Variants in CTDSPL2 observed in about 807,000 individuals in gnomAD.
CTDSPL2 encodes the protein CTD small phosphatase-like protein 2.
A neutral mutation model predicts 60.0 loss-of-function variants in CTDSPL2; 5 were observed. The observed-to-expected ratio is 0.08, with a 90% CI of 0.04 to 0.18. The LOEUF is 0.18. Among genes scored for constraint, CTDSPL2 ranks in the 10% least tolerant of loss-of-function variants. CTDSPL2 has a pLI of 1.00. For synonymous variants in CTDSPL2, 186 were observed against 189.3 expected (o/e 0.98, Z 0.14); for missense variants, 370 against 548.8 (o/e 0.67, Z 3.26).
intron 4 of CTDSPL2, among the ~76,000 whole-genome samples, chr15:44,490,479 C>A (rs2081195453): frequency 6.6e-6 from 1 of 152,108 alleles, no homozygotes; most frequent in African/African-American, 2.4e-5. Flanking sequence ...ATTTTTATAT[C>A]TTTTAATTAA....
At chr15:44,435,764 G>A (rs186438333) in intron 1 of CTDSPL2, among the ~76,000 whole-genome samples, 1,634 of 151,832 alleles carry the variant, frequency 0.011, 33 homozygotes, top group African/African-American at 0.038. Context: ...GCACCACCAC[G>A]CCTGGCTAAT....
At chr15:44,497,827 T>G (rs1020649378) in intron 7 of CTDSPL2, among the ~76,000 whole-genome samples, 2 of 152,014 alleles carry the variant, frequency 1.3e-5, no homozygotes, top group African/African-American at 4.8e-5. Flanking sequence ...CAAAACCCAT[T>G]CTCTACTAGA....
chr15:44,478,488 C>CA, intron 2 of CTDSPL2, among the ~76,000 whole-genome samples: 1 of 130,398 alleles, frequency 7.7e-6, no homozygotes, highest in East Asian at 2.4e-4. Flanking sequence ...AAAAAAGACT[C>CA]ATGAGAAGCA....
At chr15:44,522,171 C>G (rs1055522181) in intron 12 of CTDSPL2, among the ~76,000 whole-genome samples, 1 of 151,866 alleles carries the variant, frequency 6.6e-6, no homozygotes, top group Non-Finnish European at 1.5e-5. Flanking sequence ...GTAGCTAGGA[C>G]TATAGGCATG....
intron 2 of CTDSPL2, among the ~76,000 whole-genome samples, chr15:44,473,712 C>T (rs1455711173): frequency 1.3e-5 from 2 of 152,312 alleles, no homozygotes; most frequent in East Asian, 3.9e-4. Flanking sequence ...TGTTCATTTT[C>T]ATTAAGTCCC....
At chr15:44,471,803 A>G (rs1240954565) in intron 2 of CTDSPL2, among the ~76,000 whole-genome samples, 1 of 152,068 alleles carries the variant, frequency 6.6e-6, no homozygotes, top group Non-Finnish European at 1.5e-5. Context: ...GCAGTCACTA[A>G]TCTGCTTCCT....
At chr15:44,463,353 G>A (rs1228268103) in intron 2 of CTDSPL2, among the ~76,000 whole-genome samples, 1 of 151,936 alleles carries the variant, frequency 6.6e-6, no homozygotes, top group Non-Finnish European at 1.5e-5. Context: ...TGTTGGCCAG[G>A]CAGGTCTTGA....
chr15:44,490,606 A>T (rs886078938), intron 4 of CTDSPL2, among the ~76,000 whole-genome samples, 178 bp from the exon 5 acceptor site: 3 of 152,210 alleles, frequency 2.0e-5, no homozygotes, highest in Non-Finnish European at 4.4e-5. Context: ...CTAGCCTGTA[A>T]GTCTTTATTC....
intron 8 of CTDSPL2, among the ~76,000 whole-genome samples, chr15:44,504,328 C>T (rs776873310): frequency 5.9e-5 from 9 of 151,952 alleles, no homozygotes; most frequent in South Asian, 2.1e-4. Context: ...CCAGCCTGGG[C>T]GACAAAGCGA....
chr15:44,456,340 G>C (rs185152478), intron 1 of CTDSPL2, among the ~76,000 whole-genome samples: 2 of 152,240 alleles, frequency 1.3e-5, no homozygotes, highest in Admixed American at 1.3e-4. Flanking sequence ...TTGTACCTCT[G>C]GTAGAATTCC....
chr15:44,496,090 A>AT lies in CTDSPL2; in HGVS notation c.692-284dup, dbSNP rs1434553755. 2.0e-5 allele frequency among the ~76,000 whole-genome samples: 3 copies of AT among 152,188 alleles called. No individual in the cohort carries two copies. The East Asian group carries it at 5.8e-4, about 29-fold the overall frequency. On this transcript the variant is annotated intron_variant, in intron 5 of 12. Coordinates refer to ENST00000260327, the MANE Select transcript of CTDSPL2 (RefSeq NM_016396.3). ...AAACACCATACAATTAGAAGATTAC[A>AT]TTTTTTGGTGTATATTTTTCTAGTA...
intron 1 of CTDSPL2, among the ~76,000 whole-genome samples, chr15:44,457,758 C>T (rs1477572304): frequency 6.6e-6 from 1 of 152,038 alleles, no homozygotes; most frequent in African/African-American, 2.4e-5. Context: ...ATTACAGGCC[C>T]CTGCCACCAC....
intron 1 of CTDSPL2, chr15:44,448,206 G>T: frequency 3.5e-6 from 1 of 288,980 alleles, no homozygotes; most frequent in Non-Finnish European, 7.0e-6. Flanking sequence ...ACTTGAGGCT[G>T]AAGCCCATGC....
chr15:44,495,465 C>G, intron 5 of CTDSPL2, among the ~76,000 whole-genome samples: 1 of 149,538 alleles, frequency 6.7e-6, no homozygotes, highest in African/African-American at 2.5e-5. Context: ...CCTGTAGTCC[C>G]AGCTACTTGG....
chr15:44,506,342 G>T (rs1470801700), intron 8 of CTDSPL2, among the ~76,000 whole-genome samples: 3 of 149,674 alleles, frequency 2.0e-5, no homozygotes, highest in Non-Finnish European at 3.0e-5. Context: ...CAGCCCCATT[G>T]GTAACTTTTA....
In CTDSPL2 at chr15:44,432,959, A is replaced by G. The variant is rs568426962; in HGVS notation, c.-25+5187A>G. ...AGATTGAAGAAAAAAGAGAAAGTCT[A>G]TATTGAACATGAATGATCAACATGG... On this transcript the variant is annotated intron_variant, in intron 1 of 12. Coordinates refer to ENST00000260327, the MANE Select transcript of CTDSPL2 (RefSeq NM_016396.3). 2.6e-4 allele frequency among the ~76,000 whole-genome samples: 40 copies of G among 152,174 alleles called. No individual in the cohort carries two copies. In the South Asian group the frequency reaches 5.0e-3, roughly 19 times the overall value.
intron 1 of CTDSPL2, among the ~76,000 whole-genome samples, chr15:44,441,594 T>C (rs1317628004): frequency 6.6e-6 from 1 of 152,186 alleles, no homozygotes; most frequent in African/African-American, 2.4e-5. Flanking sequence ...ATGGAACCAT[T>C]GTTTCTTCCC....
At chr15:44,433,364 C>T (rs540564998) in intron 1 of CTDSPL2, among the ~76,000 whole-genome samples, 5 of 150,598 alleles carry the variant, frequency 3.3e-5, no homozygotes, top group African/African-American at 7.3e-5. Context: ...AAAAAACAGC[C>T]GAAACAGTGT....
intron 2 of CTDSPL2, among the ~76,000 whole-genome samples, chr15:44,482,942 G>C (rs1194524057): frequency 6.6e-6 from 1 of 152,138 alleles, no homozygotes; most frequent in Non-Finnish European, 1.5e-5. Context: ...GAATTATGTA[G>C]GGCAGTATTA....
Sources: gnomAD v4.1 joint callset for allele counts (sites outside exome capture counted in the v4.1 genomes callset) on GRCh38, gnomAD v4.1.1 for gene constraint, MANE v1.5 for transcripts, NCBI Gene and HGNC (gene_info 2026-07-23, HGNC 2026-07-21) for gene names.